ISLR2: variants seen among roughly 807,000 people sequenced by gnomAD.
ISLR2 encodes the protein immunoglobulin superfamily containing leucine-rich repeat protein 2.
In ISLR2, 16 loss-of-function variants were observed where a neutral mutation model predicts 25.5. The observed-to-expected ratio is 0.63, with a 90% CI of 0.43 to 0.95. The LOEUF is 0.95. Among genes scored for constraint, ISLR2 ranks in the 40% least tolerant of loss-of-function variants. ISLR2 has a pLI of 0.00. For missense variants in ISLR2, 883 were observed against 1,030.7 expected (o/e 0.86, Z 1.96); for synonymous variants, 508 against 486.6 (o/e 1.04, Z -0.58).
At position 74,132,751 on chromosome 15, in the gene ISLR2, C is replaced by G; in HGVS notation, c.-4C>G. On this transcript the variant is annotated 5_prime_UTR_variant, in exon 3 of 3. Transcript: ENST00000453268. This position sits in a 1 kb window ranked among gnomAD's most constrained non-coding sequence, Gnocchi z 4.3. ...TCACCTGGCTTCCATCTGCAGGAGC[C>G]GCGATGTTCCCCCTTCGGGCCCTGT... The G allele has an allele frequency of 6.2e-7, 1 of 1,604,826 alleles. No individual in the cohort carries two copies. The highest frequency in any genetic ancestry group is 8.5e-7 in the Non-Finnish European group (1 of 1,172,512).
intron 2 of ISLR2, among the ~76,000 whole-genome samples, chr15:74,119,550 C>T (rs996169744): frequency 2.0e-5 from 3 of 152,128 alleles, no homozygotes; most frequent in African/African-American, 7.2e-5. Context: ...ACCCCCTCCC[C>T]CTTACCCTTC....
rs747745399 is a variant in ISLR2, at chr15:74,135,215, T to G, written c.*223T>G. On this transcript the variant is annotated 3_prime_UTR_variant, in exon 3 of 3. Transcript: ENST00000453268. ...CATTCTCCCTGCGGGCTGAATCCCCTTCCCCGCCAAGCACAGTGTTTATCT... is the reference window on the plus strand; with the variant it reads ...CATTCTCCCTGCGGGCTGAATCCCCGTCCCCGCCAAGCACAGTGTTTATCT... 6.9e-4 allele frequency: 415 copies of G among 598,074 alleles called. 2 individuals carry two copies. Among genetic ancestry groups the G allele is most frequent in the Non-Finnish European group, 1.1e-3 (373 of 328,998 alleles). The allele number at this position is 598,074 out of a possible 1,614,324, so 37.0% of individuals were successfully genotyped here.
intron 2 of ISLR2, among the ~76,000 whole-genome samples, chr15:74,122,345 C>T (rs1389551539): frequency 6.6e-6 from 1 of 152,218 alleles, no homozygotes; most frequent in Non-Finnish European, 1.5e-5. Flanking sequence ...TTCCAGGCTA[C>T]TAGAGCTGAT....
intron 2 of ISLR2, among the ~76,000 whole-genome samples, chr15:74,109,353 G>A: frequency 6.6e-6 from 1 of 151,814 alleles, no homozygotes; most frequent in Non-Finnish European, 1.5e-5. Context: ...CTCAGAGCCT[G>A]GATTTCCTCA....
At chr15:74,129,122 C>A, upstream of ISLR2, 1 of 451,468 alleles carries the variant, frequency 2.2e-6, no homozygotes, top group Non-Finnish European at 4.5e-6. The surrounding 1 kb of genome is among the most constrained non-coding windows in gnomAD (Gnocchi z 4.5). Context: ...CAGGCCCGAG[C>A]AGGCGGTGTG....
At chr15:74,103,575 T>C (rs1252312248) in intron 1 of ISLR2, among the ~76,000 whole-genome samples, 28 of 126,732 alleles carry the variant, frequency 2.2e-4, no homozygotes, top group Admixed American at 3.3e-4. Context: ...TGAGCTGATA[T>C]TGTGCCACTG....
At chr15:74,130,276 G>T (rs978045168), upstream of ISLR2, 1 of 151,982 alleles carries the variant, frequency 6.6e-6, no homozygotes, top group Non-Finnish European at 1.5e-5. Context: ...GGCAAAAATG[G>T]TAGGGAGGGT....
intron 2 of ISLR2, among the ~76,000 whole-genome samples, chr15:74,112,098 T>G (rs1233035264): frequency 6.6e-6 from 1 of 152,238 alleles, no homozygotes; most frequent in Non-Finnish European, 1.5e-5. Context: ...ATTTTTAAAG[T>G]TGCTTTAGGC....
At chr15:74,111,138 T>TAAAAAAAA (rs764782225) in intron 2 of ISLR2, among the ~76,000 whole-genome samples, 1 of 60,694 alleles carries the variant, frequency 1.6e-5, no homozygotes, top group Non-Finnish European at 3.2e-5. Context: ...AGACTCCATC[T>TAAAAAAAA]AAAAAAAAAA....
Position 74,133,523 on chromosome 15 carries a change from G to T in ISLR2, c.769G>T (p.Val257Leu), listed in dbSNP as rs942588357. Reference sequence around the variant, plus strand: ...CCCACTGCGCGCAGGACTGGCGTTCGTGTTACACTGCATCGCCGACGGCCA... The same window carrying T: ...CCCACTGCGCGCAGGACTGGCGTTCTTGTTACACTGCATCGCCGACGGCCA... Reference protein sequence around the residue: ...GTPLRAGLAFVLHCIADGHPT... With the variant: ...GTPLRAGLAFLLHCIADGHPT... Residue 257 changes from valine to leucine, a missense_variant, in exon 3 of 3, where the codon GTG (valine) becomes TTG (leucine). Physicochemically the swap from Val to Leu is conservative, Grantham distance 32. Coordinates refer to ENST00000453268, the MANE Select transcript of ISLR2 (RefSeq NM_020851.3). 1 of 1,614,096 alleles carries T rather than the reference G, an allele frequency of 6.2e-7. No individual in the cohort carries two copies. The highest frequency in any genetic ancestry group is 1.1e-5 in the South Asian group (1 of 91,086).
At chr15:74,115,920 G>A (rs1419107815) in intron 2 of ISLR2, among the ~76,000 whole-genome samples, 2 of 150,772 alleles carry the variant, frequency 1.3e-5, no homozygotes, top group Non-Finnish European at 3.0e-5. Context: ...AACACAGGCT[G>A]GGTGCGGTGG....
intron 2 of ISLR2, among the ~76,000 whole-genome samples, chr15:74,114,453 A>G (rs2072194888): frequency 1.3e-5 from 2 of 152,150 alleles, no homozygotes; most frequent in Non-Finnish European, 2.9e-5. Context: ...AACTTCACTG[A>G]TAATAAGAAA....
chr15:74,117,299 C>G (rs1202052660), intron 2 of ISLR2, among the ~76,000 whole-genome samples: 1 of 152,154 alleles, frequency 6.6e-6, no homozygotes, highest in African/African-American at 2.4e-5. Flanking sequence ...CTATAGGTCT[C>G]AATTGTCTCA....
intron 2 of ISLR2, among the ~76,000 whole-genome samples, chr15:74,122,510 A>G (rs1173094304): frequency 6.6e-6 from 1 of 152,238 alleles, no homozygotes; most frequent in Non-Finnish European, 1.5e-5. Flanking sequence ...GCTTCCTGGG[A>G]TCAGTCCAAC....
At chr15:74,108,940 G>A (rs923170842) in intron 2 of ISLR2, among the ~76,000 whole-genome samples, 8 of 152,192 alleles carry the variant, frequency 5.3e-5, no homozygotes, top group East Asian at 1.9e-4. Context: ...GGGCAGGTGC[G>A]GGGCTGCTCT....
intron 1 of ISLR2, among the ~76,000 whole-genome samples, chr15:74,102,143 G>A (rs1235067440): frequency 1.5e-4 from 19 of 129,380 alleles, no homozygotes; most frequent in African/African-American, 5.4e-4. Context: ...GCTTGAACCC[G>A]GGAGGTGGGG....
At chr15:74,121,407 T>C (rs1033665053) in intron 2 of ISLR2, among the ~76,000 whole-genome samples, 3 of 152,090 alleles carry the variant, frequency 2.0e-5, no homozygotes, top group African/African-American at 7.2e-5. Flanking sequence ...GAAAGTCTAT[T>C]TGGGGCACTT....
At chr15:74,123,445 A>T (rs2141938957), upstream of ISLR2, among the ~76,000 whole-genome samples, 1 of 152,344 alleles carries the variant, frequency 6.6e-6, no homozygotes, top group South Asian at 2.1e-4. Context: ...CAAGACACAC[A>T]TCTAGCCCAT....
chr15:74,140,697 C>T (rs1206633827), downstream of ISLR2, among the ~76,000 whole-genome samples: 1 of 152,204 alleles, frequency 6.6e-6, no homozygotes. Flanking sequence ...TTACCTTATA[C>T]ATTTCCAACA....
Sources: allele counts gnomAD v4.1 joint callset (sites outside exome capture counted in the v4.1 genomes callset), GRCh38; gene constraint gnomAD v4.1.1; non-coding constraint Gnocchi (gnomAD v3.1); transcripts MANE v1.5; gene names NCBI Gene and HGNC (gene_info 2026-07-23, HGNC 2026-07-21).